CA10: variants seen among roughly 807,000 people sequenced by gnomAD.
CA10 encodes the protein carbonic anhydrase 10 (inactive).
CA10 carries 14 observed loss-of-function variants against 44.2 expected under a neutral mutation model. The observed-to-expected ratio is 0.32, with a 90% CI of 0.21 to 0.50. The LOEUF is 0.50. Among genes scored for constraint, CA10 ranks in the 20% least tolerant of loss-of-function variants. The probability of loss-of-function intolerance (pLI) is 0.99; values close to 1 mark genes in which losing one functional copy is unlikely to be tolerated. For missense variants in CA10, 350 were observed against 409.7 expected, an observed-to-expected ratio of 0.85 and a Z score of 1.26; for synonymous variants, 159 against 141.6, an observed-to-expected ratio of 1.12 and a Z score of -0.87.
At chr17:52,108,536 A>C (rs890819799) in intron 1 of CA10, among the ~76,000 whole-genome samples, 4 of 151,628 alleles carry the variant, frequency 2.6e-5, no homozygotes, top group Non-Finnish European at 4.4e-5. Context: ...GTCTCTACTA[A>C]AAATACAAAA....
intron 2 of CA10, among the ~76,000 whole-genome samples, chr17:52,055,051 A>C (rs368189992): frequency 1.3e-5 from 2 of 152,062 alleles, no homozygotes; most frequent in South Asian, 4.1e-4. Flanking sequence ...AAACATATAC[A>C]CTTAGATATA....
intron 1 of CA10, among the ~76,000 whole-genome samples, chr17:52,090,312 T>C (rs1256857689): frequency 6.6e-6 from 1 of 152,136 alleles, no homozygotes; most frequent in African/African-American, 2.4e-5. Flanking sequence ...CAAAATTACA[T>C]GGAAGAACAA....
At chr17:51,681,486 T>C (rs1202212985) in intron 4 of CA10, among the ~76,000 whole-genome samples, 1 of 152,144 alleles carries the variant, frequency 6.6e-6, no homozygotes, top group Non-Finnish European at 1.5e-5. Context: ...TGGATAGTTC[T>C]TTGTTGTGGG....
At chr17:51,732,643 T>A (rs898497257) in intron 4 of CA10, among the ~76,000 whole-genome samples, 4 of 152,186 alleles carry the variant, frequency 2.6e-5, no homozygotes, top group African/African-American at 9.7e-5. Context: ...CCAAGACCTA[T>A]TTATCTACCT....
chr17:51,699,586 C>T (rs1431261353), intron 4 of CA10, among the ~76,000 whole-genome samples: 1 of 152,146 alleles, frequency 6.6e-6, no homozygotes, highest in Non-Finnish European at 1.5e-5. Flanking sequence ...TAAGAAAAAA[C>T]AGTCATCATT....
In CA10 at chr17:52,030,567, T is replaced by G. The variant is rs370567300; in HGVS notation, c.136+41752A>C. Among the ~76,000 whole-genome samples, 106 of 152,302 alleles carry G rather than the reference T, an allele frequency of 7.0e-4. No individual in the cohort carries two copies. In the South Asian group the frequency reaches 0.016, roughly 23 times the overall value. ...GTGATGGTTAATTTTAGGTTTCAAC[T>G]TCACTGGAATAAGCAATACCTAGAA... On this transcript the variant is annotated intron_variant, in intron 2 of 8. Transcript: ENST00000451037.
At chr17:51,704,034 G>C (rs1297400936) in intron 4 of CA10, among the ~76,000 whole-genome samples, 1 of 152,148 alleles carries the variant, frequency 6.6e-6, no homozygotes, top group Non-Finnish European at 1.5e-5. Context: ...TTTCACTAAA[G>C]GAAAACTGAT....
At chr17:51,867,207 T>A (rs1979586911) in intron 3 of CA10, among the ~76,000 whole-genome samples, 1 of 152,164 alleles carries the variant, frequency 6.6e-6, no homozygotes, top group African/African-American at 2.4e-5. Flanking sequence ...GATTAGCAAG[T>A]GTAATTGCAG....
At chr17:51,876,159 CGT>C (rs777415088) in intron 3 of CA10, among the ~76,000 whole-genome samples, 3 of 107,616 alleles carry the variant, frequency 2.8e-5, no homozygotes, top group Non-Finnish European at 3.7e-5. Flanking sequence ...TTTCTTCTCT[CGT>C]TTTTTTTTTT....
chr17:51,953,779 C>T (rs1181372877), intron 2 of CA10, among the ~76,000 whole-genome samples: 12 of 152,004 alleles, frequency 7.9e-5, no homozygotes, highest in Admixed American at 7.9e-4. Flanking sequence ...ATTGTGATGG[C>T]ATCTTTTCTT....
chr17:51,718,266 C>T (rs1391475997), intron 4 of CA10, among the ~76,000 whole-genome samples: 1 of 151,530 alleles, frequency 6.6e-6, no homozygotes, highest in Non-Finnish European at 1.5e-5. Context: ...AAAGCCAAAG[C>T]AGCTTACAGT....
At chr17:51,876,774 G>A (rs1980100494) in intron 3 of CA10, among the ~76,000 whole-genome samples, 1 of 151,772 alleles carries the variant, frequency 6.6e-6, no homozygotes, top group Non-Finnish European at 1.5e-5. Context: ...GGTAGTATAT[G>A]TTTCACTTTA....
intron 3 of CA10, among the ~76,000 whole-genome samples, chr17:51,812,941 C>T (rs1449219377): frequency 1.3e-5 from 2 of 152,184 alleles, no homozygotes; most frequent in South Asian, 4.1e-4. Flanking sequence ...AGAACAGTCA[C>T]AATAGGTGAG....
At chr17:52,048,043 TTA>T (rs1491097702) in intron 2 of CA10, among the ~76,000 whole-genome samples, 6 of 133,468 alleles carry the variant, frequency 4.5e-5, no homozygotes, top group African/African-American at 6.0e-5. Context: ...CCCACAAAAA[TTA>T]AAAAAAAAAA....
chr17:51,905,965 G>A (rs1260228749), intron 3 of CA10, among the ~76,000 whole-genome samples: 3 of 152,058 alleles, frequency 2.0e-5, no homozygotes, highest in Non-Finnish European at 2.9e-5. Flanking sequence ...GGGGTAAGCT[G>A]TCCCTTCACC....
At chr17:52,018,885 C>T (rs1334561911) in intron 2 of CA10, among the ~76,000 whole-genome samples, 7 of 152,092 alleles carry the variant, frequency 4.6e-5, no homozygotes, top group Admixed American at 3.9e-4. Context: ...GGGTAGATCC[C>T]TCATGAATGG....
intron 4 of CA10, among the ~76,000 whole-genome samples, chr17:51,733,602 G>A (rs1916794968): frequency 6.6e-6 from 1 of 152,204 alleles, no homozygotes; most frequent in Non-Finnish European, 1.5e-5. Context: ...GAGCTTTGTA[G>A]GATTGAGTGT....
intron 2 of CA10, among the ~76,000 whole-genome samples, chr17:52,019,194 C>T (rs1460927738): frequency 6.6e-6 from 1 of 152,040 alleles, no homozygotes; most frequent in Non-Finnish European, 1.5e-5. Flanking sequence ...AACAGACACA[C>T]ATAATTCTAG....
intron 4 of CA10, among the ~76,000 whole-genome samples, chr17:51,675,560 A>AC (rs904078135): frequency 2.8e-4 from 42 of 150,144 alleles, no homozygotes; most frequent in African/African-American, 9.6e-4. Context: ...AAAAAAAAAA[A>AC]AAAAAATTAG....
Sources: allele counts gnomAD v4.1 joint callset (sites outside exome capture counted in the v4.1 genomes callset), GRCh38; gene constraint gnomAD v4.1.1; transcripts MANE v1.5; gene names NCBI Gene and HGNC (gene_info 2026-07-23, HGNC 2026-07-21).